The following FMNL2 variants were observed in gnomAD, a reference collection of about 807,000 sequenced individuals.
FMNL2 encodes the protein formin like 2.
Under a neutral mutation model 130.2 loss-of-function variants are expected in FMNL2, and 51 were observed. The ratio of observed to expected loss-of-function variants is 0.39; its 90% confidence interval spans 0.31 to 0.49. The LOEUF (loss-of-function observed/expected upper bound fraction) is 0.49. Among genes scored for constraint, FMNL2 ranks in the 20% least tolerant of loss-of-function variants. The pLI, the probability that FMNL2 is intolerant of heterozygous loss-of-function variation, is 0.85. For synonymous variants in FMNL2, 465 were observed against 467.1 expected (o/e 1.00, Z 0.06); for missense variants, 977 against 1,316.2 (o/e 0.74, Z 3.99).
At position 152,649,593 on chromosome 2, in the gene FMNL2, T is replaced by G. The variant is rs1265073934; in HGVS notation, c.*1688T>G. On this transcript the variant is annotated 3_prime_UTR_variant, in exon 26 of 26. Coordinates refer to ENST00000288670, the MANE Select transcript of FMNL2 (RefSeq NM_052905.4). ...ATTAAAAATAGCAATTTGACCAAGT[T>G]GGACTTCCACTACAAAGCAGCTGTT... is the stretch of plus-strand genomic sequence containing the variant. 5 of 152,644 alleles carry G rather than the reference T, an allele frequency of 3.3e-5. No individual in the cohort carries two copies. In the East Asian group the frequency reaches 5.8e-4, roughly 18 times the overall value. 9.5% of individuals were successfully genotyped at this position (152,644 alleles called of 1,614,324 possible).
At position 152,593,860 on chromosome 2, in the gene FMNL2, A is replaced by AGTGTGTGTGT. The variant is rs70974873; in HGVS notation, c.876+12845_876+12854dup. Among the ~76,000 whole-genome samples the AGTGTGTGTGT allele has an allele frequency of 3.3e-3, 375 of 113,228 alleles. 3 individuals are homozygous for AGTGTGTGTGT. Among genetic ancestry groups the AGTGTGTGTGT allele is most frequent in the Non-Finnish European group, 4.7e-3 (275 of 58,250 alleles). The allele number at this position is 113,228 out of a possible 152,430, so 74.3% of individuals were successfully genotyped here. Reference sequence around the variant, plus strand: ...TAGGGAGAGAGAGAGAGAGAGAGAGAGTGTGTGTGTGTGTGTGTGTGTGTG... The same window carrying AGTGTGTGTGT: ...TAGGGAGAGAGAGAGAGAGAGAGAGAGTGTGTGTGTGTGTGTGTGTGTGTGTGTGTGTGTG... On this transcript the variant is annotated intron_variant, in intron 9 of 25. Coordinates refer to ENST00000288670, the MANE Select transcript of FMNL2 (RefSeq NM_052905.4).
At chr2:152,455,903 C>T (rs972340160) in intron 1 of FMNL2, among the ~76,000 whole-genome samples, 31 of 152,042 alleles carry the variant, frequency 2.0e-4, no homozygotes, top group African/African-American at 5.1e-4. Flanking sequence ...TTTGTAGAGA[C>T]GGGGTCTCAC....
At chr2:152,539,186 C>T (rs1694168925) in intron 2 of FMNL2, 1 of 152,112 alleles carries the variant, frequency 6.6e-6, no homozygotes, top group East Asian at 1.9e-4. Context: ...GATGAGCTAT[C>T]AAAATGAATT....
intron 1 of FMNL2, among the ~76,000 whole-genome samples, chr2:152,478,245 TATATA>T (rs1223855863): frequency 0.05 from 2,025 of 40,414 alleles, 51 homozygotes; most frequent in African/African-American, 0.12. Flanking sequence ...TATATATATA[TATATA>T]TTTTTTTTTT....
chr2:152,503,359 T>C (rs577744708), intron 1 of FMNL2, among the ~76,000 whole-genome samples: 27 of 152,208 alleles, frequency 1.8e-4, no homozygotes, highest in Admixed American at 1.7e-3. Context: ...TGACCTATTA[T>C]AGGATTCTTG....
At chr2:152,490,579 G>GTGTGTA in intron 1 of FMNL2, among the ~76,000 whole-genome samples, 1 of 145,046 alleles carries the variant, frequency 6.9e-6, no homozygotes, top group Admixed American at 6.8e-5. Context: ...ATGTGTGTGT[G>GTGTGTA]TGTGTGTGTG....
intron 22 of FMNL2, 22 bp from the exon 23 acceptor site, chr2:152,637,551 A>G (rs753395856): frequency 1.1e-5 from 18 of 1,606,758 alleles, no homozygotes; most frequent in African/African-American, 2.7e-5. Context: ...ATGAAACTCA[A>G]GAAAAATTTG....
intron 1 of FMNL2, among the ~76,000 whole-genome samples, chr2:152,489,678 G>T (rs1480145040): frequency 2.0e-5 from 3 of 152,202 alleles, no homozygotes; most frequent in Non-Finnish European, 4.4e-5. Flanking sequence ...ATTTTCCTTT[G>T]TGGGGGTGGT....
intron 25 of FMNL2, among the ~76,000 whole-genome samples, chr2:152,642,484 T>C (rs1023952574): frequency 1.2e-4 from 19 of 152,362 alleles, no homozygotes; most frequent in African/African-American, 4.3e-4. Flanking sequence ...ACACACACTC[T>C]GCACAAATGT....
At chr2:152,471,892 CTATACCCTG>C (rs1240743941) in intron 1 of FMNL2, among the ~76,000 whole-genome samples, 2 of 152,274 alleles carry the variant, frequency 1.3e-5, no homozygotes, top group East Asian at 3.9e-4. Context: ...AAATTCCAGG[CTATACCCTG>C]TACTGCCTGG....
intron 1 of FMNL2, among the ~76,000 whole-genome samples, chr2:152,375,377 C>T (rs926255419): frequency 6.6e-6 from 1 of 152,244 alleles, no homozygotes. Flanking sequence ...CTTGAATGCT[C>T]ATGCCTGGTA....
chr2:152,407,420 C>T (rs1686045358), intron 1 of FMNL2, among the ~76,000 whole-genome samples: 1 of 152,060 alleles, frequency 6.6e-6, no homozygotes, highest in Admixed American at 6.5e-5. Flanking sequence ...TGCCTTTCTG[C>T]CGACTCCTGA....
intron 2 of FMNL2, among the ~76,000 whole-genome samples, chr2:152,523,860 T>C (rs1693241663): frequency 6.6e-6 from 1 of 152,180 alleles, no homozygotes; most frequent in African/African-American, 2.4e-5. Flanking sequence ...AACAACTTGC[T>C]TAGTGCTTGA....
intron 4 of FMNL2, among the ~76,000 whole-genome samples, chr2:152,554,362 G>A (rs769568048): frequency 2.6e-5 from 4 of 152,184 alleles, no homozygotes; most frequent in Non-Finnish European, 5.9e-5. Context: ...AGCCATGATT[G>A]TGCCACTGCA....
intron 12 of FMNL2, among the ~76,000 whole-genome samples, chr2:152,615,511 C>T (rs190692371): frequency 1.3e-5 from 2 of 152,292 alleles, no homozygotes; most frequent in East Asian, 3.9e-4. Flanking sequence ...TGTGCTTTCT[C>T]ATATATCCTG....
At chr2:152,492,042 A>C (rs544329434) in intron 1 of FMNL2, among the ~76,000 whole-genome samples, 19 of 152,362 alleles carry the variant, frequency 1.2e-4, no homozygotes, top group African/African-American at 4.6e-4. Context: ...TATGAAAAAT[A>C]GTAAATTGCT....
chr2:152,621,327 C>A (rs1699234502), intron 15 of FMNL2, among the ~76,000 whole-genome samples: 1 of 152,192 alleles, frequency 6.6e-6, no homozygotes, highest in African/African-American at 2.4e-5. Flanking sequence ...AGCCCAGAGG[C>A]TGAGATGTGT....
intron 1 of FMNL2, among the ~76,000 whole-genome samples, chr2:152,451,458 T>C (rs973651603): frequency 1.3e-5 from 2 of 152,116 alleles, no homozygotes; most frequent in Admixed American, 1.3e-4. Flanking sequence ...TGTGTTCACA[T>C]TTCTGACACT....
chr2:152,490,637 GTTGC>G (rs933763926), intron 1 of FMNL2, among the ~76,000 whole-genome samples: 7 of 131,770 alleles, frequency 5.3e-5, no homozygotes, highest in Non-Finnish European at 9.5e-5. Context: ...TAAAAAACCT[GTTGC>G]TTCCATGCAA....
Sources: allele counts gnomAD v4.1 joint callset (sites outside exome capture counted in the v4.1 genomes callset), GRCh38; gene constraint gnomAD v4.1.1; transcripts MANE v1.5; gene names NCBI Gene and HGNC (gene_info 2026-07-23, HGNC 2026-07-21).